The following RICTOR variants were observed in gnomAD, a reference collection of about 807,000 sequenced individuals.
RICTOR encodes rapamycin-insensitive companion of mTOR.
Under a neutral mutation model 214.9 loss-of-function variants are expected in RICTOR, and 49 were observed. The observed-to-expected ratio is 0.23, with a 90% CI of 0.18 to 0.29. The LOEUF (loss-of-function observed/expected upper bound fraction) is 0.29, where lower values mean the gene tolerates loss of function less well. Among genes scored for constraint, RICTOR ranks in the 10% least tolerant of loss-of-function variants. The pLI is 1.00. For synonymous variants in RICTOR, 717 were observed against 711.3 expected (o/e 1.01, Z -0.13); for missense variants, 1,625 against 2,047.0 (o/e 0.79, Z 3.98).
rs1748923250 is a variant in RICTOR, at chr5:38,953,039, A to G, written c.2843T>C (p.Val948Ala). ...WGLNLLQEEN[V>A]IPDILKLAKQ... The stretch of plus-strand genomic sequence containing the variant: ...TGCAAGTTTTAGTATATCTGGAATC[A>G]CGTTTTCTTCCTGTAGCAAATTGAG... Residue 948 changes from valine to alanine, a missense_variant, in exon 29 of 38, where the codon GTG (valine) becomes GCG (alanine). Physicochemically the swap from Val to Ala is moderately conservative, Grantham distance 64. Transcript: ENST00000357387. 1.2e-6 allele frequency: 2 copies of G among 1,610,504 alleles called. No individual in the cohort carries two copies. The highest frequency in any genetic ancestry group is 1.7e-4 in the Middle Eastern group (1 of 6,040).
intron 24 of RICTOR, among the ~76,000 whole-genome samples, 187 bp from the exon 25 acceptor site, chr5:38,957,917 GCAA>G (rs767124544): frequency 7.2e-5 from 11 of 152,012 alleles, no homozygotes; most frequent in Non-Finnish European, 1.5e-4. Flanking sequence ...CACAATCTTT[GCAA>G]CAACACGCGA....
At chr5:38,987,066 G>A (rs1235969281) in intron 7 of RICTOR, among the ~76,000 whole-genome samples, 1 of 152,178 alleles carries the variant, frequency 6.6e-6, no homozygotes, top group East Asian at 1.9e-4. Context: ...GCATCCCAGG[G>A]ATGTGGCCAA....
intron 2 of RICTOR, among the ~76,000 whole-genome samples, chr5:39,047,287 G>A (rs771730753): frequency 4.6e-5 from 7 of 152,184 alleles, no homozygotes; most frequent in Non-Finnish European, 1.0e-4. Flanking sequence ...TTCCACCTCA[G>A]ATCATCAGGC....
At position 38,967,214 on chromosome 5, in the gene RICTOR, C is replaced by T; in HGVS notation, c.1165G>A (p.Asp389Asn). 1 of 1,612,684 alleles carries T rather than the reference C, an allele frequency of 6.2e-7. No individual in the cohort carries two copies. The highest frequency in any genetic ancestry group is 8.5e-7 in the Non-Finnish European group (1 of 1,178,710). The change falls in exon 14 of 38, where the codon GAT becomes AAT. Residue 389 changes from aspartate (D) to asparagine (N), a missense_variant. Physicochemically the swap from Asp to Asn is conservative, Grantham distance 23. Coordinates refer to ENST00000357387, the MANE Select transcript of RICTOR (RefSeq NM_152756.5). ...HRARSRPDLM[D>N]NYLALILSAF... Reference sequence around the variant, plus strand: ...GAGAGTATCAGTGCCAAATAATTATCCATGAGGTCTGGCCTGGAAAAAACA... The same window carrying T: ...GAGAGTATCAGTGCCAAATAATTATTCATGAGGTCTGGCCTGGAAAAAACA...
chr5:39,068,572 GTTTT>G (rs1028299182), intron 2 of RICTOR, among the ~76,000 whole-genome samples: 2 of 152,220 alleles, frequency 1.3e-5, no homozygotes, highest in East Asian at 3.9e-4. Context: ...GTTTTGTTTT[GTTTT>G]TTTATTTAAG....
chr5:38,993,024 G>C (rs1164560045), intron 6 of RICTOR, among the ~76,000 whole-genome samples: 1 of 152,158 alleles, frequency 6.6e-6, no homozygotes, highest in Non-Finnish European at 1.5e-5. Flanking sequence ...TAGGAAGGAA[G>C]TAACAATTGT....
Position 39,058,226 on chromosome 5 carries a change from T to A in RICTOR, c.97+15885A>T, listed in dbSNP as rs558327544. ...AAAATCTAAATATTAAAACTTATTT[T>A]AAATCAGGGAACATAAAGAGGTAGC... On this transcript the variant is annotated intron_variant, in intron 2 of 37. Coordinates refer to ENST00000357387, the MANE Select transcript of RICTOR (RefSeq NM_152756.5). 3.3e-5 allele frequency among the ~76,000 whole-genome samples: 5 copies of A among 152,144 alleles called. No individual in the cohort carries two copies. In the South Asian group the frequency reaches 8.3e-4, roughly 25 times the overall value.
intron 27 of RICTOR, 56 bp downstream of exon 27, chr5:38,954,718 A>ATT: frequency 9.3e-7 from 1 of 1,074,326 alleles, no homozygotes; most frequent in Non-Finnish European, 1.4e-6. Flanking sequence ...CAATGTTAAG[A>ATT]TTTTGTTTTT....
chr5:39,073,703 C>G (rs1759495924), intron 2 of RICTOR, among the ~76,000 whole-genome samples: 1 of 152,170 alleles, frequency 6.6e-6, no homozygotes, highest in Non-Finnish European at 1.5e-5. Context: ...AGGATGTGGT[C>G]GCTCTTCCCT....
intron 5 of RICTOR, among the ~76,000 whole-genome samples, chr5:39,001,705 A>G (rs1168411764): frequency 6.6e-6 from 1 of 152,054 alleles, no homozygotes; most frequent in Non-Finnish European, 1.5e-5. Context: ...AGATAATCCA[A>G]TTTACAAATG....
chr5:39,054,457 TTCAC>T (rs1758071770), intron 2 of RICTOR, among the ~76,000 whole-genome samples: 1 of 152,234 alleles, frequency 6.6e-6, no homozygotes, highest in South Asian at 2.1e-4. Flanking sequence ...TAACACTAAC[TTCAC>T]TCATTCTGCT....
At chr5:38,985,939 G>A (rs937812349) in intron 7 of RICTOR, among the ~76,000 whole-genome samples, 11 of 152,002 alleles carry the variant, frequency 7.2e-5, no homozygotes, top group African/African-American at 2.4e-4. Context: ...CAGGTGATCC[G>A]CCTGCCCCCG....
At chr5:39,044,332 T>C (rs1580177777) in intron 2 of RICTOR, among the ~76,000 whole-genome samples, 4 of 152,174 alleles carry the variant, frequency 2.6e-5, no homozygotes, top group Admixed American at 2.6e-4. Context: ...ACTATGTTTA[T>C]TGTCCTTTTA....
intron 6 of RICTOR, among the ~76,000 whole-genome samples, chr5:38,991,506 C>T (rs893945810): frequency 1.4e-5 from 2 of 146,816 alleles, no homozygotes; most frequent in African/African-American, 5.0e-5. Context: ...ACTTCCATAA[C>T]ATCTTTATCT....
chr5:38,946,660 A>G (rs1385362024), intron 32 of RICTOR, 108 bp from the exon 33 acceptor site: 1 of 670,908 alleles, frequency 1.5e-6, no homozygotes, highest in East Asian at 2.7e-5. Context: ...ACCATAGCAT[A>G]TGAACCTATA....
At chr5:38,952,672 CA>C (rs1286926676) in intron 29 of RICTOR, among the ~76,000 whole-genome samples, 6 of 151,670 alleles carry the variant, frequency 4.0e-5, no homozygotes, top group African/African-American at 1.5e-4. Context: ...GCAACATGAG[CA>C]AAAAAGGTAT....
At chr5:38,942,788 A>C in intron 37 of RICTOR, 45 bp downstream of exon 37, 1 of 1,448,624 alleles carries the variant, frequency 6.9e-7, no homozygotes, top group Non-Finnish European at 9.7e-7. Context: ...TCAAACACAG[A>C]ATTATTCTTG....
At chr5:39,030,003 G>A (rs1756149403) in intron 2 of RICTOR, among the ~76,000 whole-genome samples, 1 of 152,038 alleles carries the variant, frequency 6.6e-6, no homozygotes, top group South Asian at 2.1e-4. Flanking sequence ...CATGATCCAA[G>A]ATTAATTCGT....
intron 2 of RICTOR, among the ~76,000 whole-genome samples, chr5:39,058,705 G>A (rs1184144513): frequency 6.6e-6 from 1 of 151,974 alleles, no homozygotes; most frequent in African/African-American, 2.4e-5. Flanking sequence ...TTCCACATGA[G>A]CACACTGTTG....
Sources: allele counts gnomAD v4.1 joint callset (sites outside exome capture counted in the v4.1 genomes callset), GRCh38; gene constraint gnomAD v4.1.1; transcripts MANE v1.5; gene names NCBI Gene and HGNC (gene_info 2026-07-23, HGNC 2026-07-21).